The following TKTL1 variants were observed in gnomAD, a reference collection of about 807,000 sequenced individuals.
The protein encoded by TKTL1 is transketolase like 1.
In TKTL1, 1 loss-of-function variant was observed where a neutral mutation model predicts 39.3. The ratio of observed to expected loss-of-function variants is 0.03; its 90% CI spans 0.01 to 0.12. The LOEUF (loss-of-function observed/expected upper bound fraction) is 0.12, where lower values mean the gene tolerates loss of function less well. Among genes scored for constraint, TKTL1 ranks in the 10% least tolerant of loss-of-function variants. The pLI, the probability that TKTL1 is intolerant of heterozygous loss-of-function variation, is 1.00. For synonymous variants in TKTL1, 262 were observed against 193.8 expected (o/e 1.35, Z -2.92); for missense variants, 575 against 509.6 (o/e 1.13, Z -1.24).
chrX:154,321,337 C>G (rs1396879976), intron 8 of TKTL1, among the ~76,000 whole-genome samples: 5 of 109,633 alleles, frequency 4.6e-5, no homozygotes, highest in Non-Finnish European at 7.6e-5. Context: ...TCACCACCTT[C>G]CTGCCTGGGG....
intron 12 of TKTL1, 123 bp from the exon 13 acceptor site, chrX:154,329,393 G>A: frequency 1.4e-6 from 1 of 696,770 alleles, no homozygotes; most frequent in Non-Finnish European, 2.2e-6. Flanking sequence ...GCCCATCGGA[G>A]TGGCTGTTCA....
intron 1 of TKTL1, among the ~76,000 whole-genome samples, chrX:154,297,982 T>G (rs1049119412): frequency 8.0e-5 from 9 of 111,811 alleles, no homozygotes; most frequent in African/African-American, 2.6e-4. Flanking sequence ...TAATTACGAA[T>G]GAGGCTTTTA....
chrX:154,298,076 G>A lies in TKTL1; in HGVS notation c.134+2083G>A, dbSNP rs375635224. ...ATTCAGATTTTCTTGTCCTGATTAA[G>A]TTTTGTGAGGCTTTCTGTTTCTAGG... On this transcript the variant is annotated intron_variant, in intron 1 of 12. Coordinates refer to ENST00000369915, the MANE Select transcript of TKTL1 (RefSeq NM_012253.4). Among the ~76,000 whole-genome samples the A allele has an allele frequency of 1.3e-4, 14 of 111,629 alleles. No individual in the cohort carries two copies. In the East Asian group the frequency reaches 3.9e-3, roughly 31 times the overall value.
At chrX:154,301,986 A>C (rs1427344395) in intron 1 of TKTL1, among the ~76,000 whole-genome samples, 1 of 108,879 alleles carries the variant, frequency 9.2e-6, no homozygotes, top group Non-Finnish European at 1.9e-5. Flanking sequence ...CAGCGTGGGC[A>C]CTCCTGAAAC....
At chrX:154,328,113 C>T (rs1212305258) in intron 12 of TKTL1, among the ~76,000 whole-genome samples, 155 bp downstream of exon 12, 2 of 111,407 alleles carry the variant, frequency 1.8e-5, no homozygotes, top group African/African-American at 6.7e-5. Flanking sequence ...CATACTCATA[C>T]ACATCTGTGT....
intron 7 of TKTL1, among the ~76,000 whole-genome samples, chrX:154,318,763 T>C (rs1557169983): frequency 9.5e-6 from 1 of 104,755 alleles, no homozygotes; most frequent in Admixed American, 1.0e-4. Flanking sequence ...TAGTGAGACC[T>C]GGTCTGTAAT....
chrX:154,306,176 G>T (rs959460066), intron 2 of TKTL1, among the ~76,000 whole-genome samples: 3 of 111,080 alleles, frequency 2.7e-5, no homozygotes, highest in Non-Finnish European at 5.7e-5. Context: ...AGGCATGGTA[G>T]CACATGCCTC....
intron 1 of TKTL1, among the ~76,000 whole-genome samples, chrX:154,303,812 C>T (rs112561594): frequency 0.017 from 1,877 of 109,396 alleles, 39 homozygotes; most frequent in African/African-American, 0.059. Flanking sequence ...ACTACCGAGT[C>T]CTAGCTGGCT....
intron 7 of TKTL1, among the ~76,000 whole-genome samples, chrX:154,316,550 C>G (rs1472879821): frequency 1.8e-5 from 2 of 109,982 alleles, no homozygotes; most frequent in Non-Finnish European, 3.8e-5. Flanking sequence ...GACCCCATCT[C>G]AAAAAAGAAA....
intron 3 of TKTL1, 84 bp from the exon 4 acceptor site, chrX:154,310,752 T>C (rs1162242641): frequency 1.2e-5 from 10 of 859,466 alleles, no homozygotes; most frequent in Non-Finnish European, 1.5e-5. Flanking sequence ...TCCAGTTGCG[T>C]CCGTTTCTCC....
Position 154,312,614 on chromosome X carries a change from A to G in TKTL1, c.705A>G (p.Pro235=). 2 of 1,210,677 alleles carry G rather than the reference A, an allele frequency of 1.7e-6. No homozygotes were observed. The highest frequency in any genetic ancestry group is 2.2e-6 in the Non-Finnish European group (2 of 894,889). Residue 235 remains proline (P), a synonymous_variant, in exon 6 of 13, where the codon CCA becomes CCG. Coordinates refer to ENST00000369915, the MANE Select transcript of TKTL1 (RefSeq NM_012253.4). ...ATGCAGAAAGTTGGCATGCAAAGCC[A>G]ATGCCGAGAGAAAGAGCAGATGCCA... The part of the protein sequence containing the change: ...IEDAESWHAK[P]MPRERADAII...
rs1557167015 is a variant in TKTL1 at position 154,305,359 on chromosome X, A to G, written c.190A>G (p.Ile64Val). The G allele has an allele frequency of 5.0e-6, 6 of 1,210,833 alleles. No homozygotes were observed. The highest frequency in any genetic ancestry group is 5.9e-5 in the East Asian group (2 of 33,810). Residue 64 changes from isoleucine to valine, a missense_variant, in exon 2 of 13, where the codon ATC (isoleucine) becomes GTC (valine). Transcript: ENST00000369915. ...GATCATGTCTGTGCTGTTCTTCTAC[A>G]TCATGAGGTACAAGCAGTCAGATCC... ...SEIMSVLFFY[I>V]MRYKQSDPEN...
At position 154,312,403 on chromosome X, in the gene TKTL1, G is replaced by A. The variant is rs111700447; in HGVS notation, c.671-177G>A. On this transcript the variant is annotated intron_variant, in intron 5 of 12. Transcript: ENST00000369915. ...CCTGTCTCAAAACAAAAAGCCTCAG[G>A]GCCTTTGTCCAAGCTGTTCTCTCTG... is the stretch of plus-strand genomic sequence containing the variant. 2.0e-3 allele frequency among the ~76,000 whole-genome samples: 219 copies of A among 112,191 alleles called. 1 individual carries two copies. The highest frequency in any genetic ancestry group is 6.8e-3 in the African/African-American group (209 of 30,932).
Position 154,323,378 on chromosome X carries a change from C to T in TKTL1, c.1317+41C>T, listed in dbSNP as rs782076178. 5 of 1,190,774 alleles carry T rather than the reference C, an allele frequency of 4.2e-6. No individual in the cohort carries two copies. The African/African-American group carries it at 8.9e-5, about 21-fold the overall frequency. On this transcript the variant is annotated intron_variant, in intron 9 of 12. Transcript: ENST00000369915. ...CACTAGTTTCAGACAGAAAATGCTTCTGGACTCTGCTAGTTTCATACTGAT... is the reference window on the plus strand; with the variant it reads ...CACTAGTTTCAGACAGAAAATGCTTTTGGACTCTGCTAGTTTCATACTGAT...
chrX:154,314,017 A>G (rs1335756087), intron 6 of TKTL1, among the ~76,000 whole-genome samples: 2 of 110,970 alleles, frequency 1.8e-5, no homozygotes, highest in Non-Finnish European at 3.8e-5. Flanking sequence ...CGGGGGGACC[A>G]TTTTTAGGAA....
At chrX:154,319,259 G>C (rs1332640619) in intron 7 of TKTL1, among the ~76,000 whole-genome samples, 1 of 112,357 alleles carries the variant, frequency 8.9e-6, no homozygotes, top group Non-Finnish European at 1.9e-5. Context: ...GTTTATAAAA[G>C]TTATTTACAG....
At chrX:154,302,899 G>A (rs1365467382) in intron 1 of TKTL1, among the ~76,000 whole-genome samples, 5 of 110,851 alleles carry the variant, frequency 4.5e-5, no homozygotes, top group Admixed American at 9.6e-5. Context: ...GCTGCAAGAC[G>A]AAGAACACCT....
Position 154,305,440 on chromosome X carries a change from C to T in TKTL1, c.252+19C>T. ...CGCAAAGGTATGCCGGTGGGGAGCCCAGGGCTGCTGTGGCGCCTGCTGGTT... is the reference window on the plus strand; with the variant it reads ...CGCAAAGGTATGCCGGTGGGGAGCCTAGGGCTGCTGTGGCGCCTGCTGGTT... On this transcript the variant is annotated intron_variant, in intron 2 of 12. Transcript: ENST00000369915. 8.3e-7 allele frequency: 1 copy of T among 1,198,111 alleles called. No homozygotes were observed. Among genetic ancestry groups the T allele is most frequent in the South Asian group, 1.8e-5 (1 of 56,324 alleles).
At chrX:154,298,112 TTTC>T (rs1416559037) in intron 1 of TKTL1, among the ~76,000 whole-genome samples, 2 of 111,777 alleles carry the variant, frequency 1.8e-5, no homozygotes, top group African/African-American at 6.5e-5. Context: ...AATTTATCCA[TTTC>T]TTGTAGGTTA....
Sources: gnomAD v4.1 joint callset for allele counts (sites outside exome capture counted in the v4.1 genomes callset) on GRCh38, gnomAD v4.1.1 for gene constraint, MANE v1.5 for transcripts, NCBI Gene and HGNC (gene_info 2026-07-23, HGNC 2026-07-21) for gene names.